CNIH3: variants seen among roughly 807,000 people sequenced by gnomAD.
The protein encoded by CNIH3 is cornichon family AMPA receptor auxiliary protein 3.
A neutral mutation model predicts 24.1 loss-of-function variants in CNIH3; 14 were observed. The observed-to-expected ratio is 0.58, with a 90% CI of 0.38 to 0.91. CNIH3 has a LOEUF of 0.91. Ranked by LOEUF, CNIH3 falls within the 40% of genes least tolerant of loss-of-function variation. The pLI is 0.00. For missense variants in CNIH3, 178 were observed against 196.8 expected, an observed-to-expected ratio of 0.90 and a Z score of 0.57; for synonymous variants, 68 against 73.8, an observed-to-expected ratio of 0.92 and a Z score of 0.40.
chr1:224,671,213 T>G (rs1685849290), intron 1 of CNIH3, among the ~76,000 whole-genome samples: 1 of 152,228 alleles, frequency 6.6e-6, no homozygotes, highest in Admixed American at 6.5e-5. Context: ...TTGGTTCTGT[T>G]TCTCTAGGGA....
chr1:224,634,712 A>G (rs1485893003), intron 1 of CNIH3, among the ~76,000 whole-genome samples: 1 of 152,152 alleles, frequency 6.6e-6, no homozygotes, highest in Non-Finnish European at 1.5e-5. Flanking sequence ...CCCATGGAGC[A>G]TAAGCCCTTG....
Position 224,689,592 on chromosome 1 carries a change from G to GGGTTAAT in CNIH3, c.198+4752_198+4758dup, listed in dbSNP as rs552389528. On this transcript the variant is annotated intron_variant, in intron 3 of 5. Transcript: ENST00000272133. Reference sequence around the variant, plus strand: ...GAGCACATGTTGGGGATGGCGGGGAGGGTTAATGGGTCTAGTTAGCAGCAC... The same window carrying GGGTTAAT: ...GAGCACATGTTGGGGATGGCGGGGAGGGTTAATGGTTAATGGGTCTAGTTAGCAGCAC... Among the ~76,000 whole-genome samples the GGGTTAAT allele has an allele frequency of 3.2e-4, 48 of 152,274 alleles. 1 individual carries two copies. Among genetic ancestry groups the GGGTTAAT allele is most frequent in the Admixed American group, 8.5e-4 (13 of 15,296 alleles).
At chr1:224,551,389 G>C (rs1252704427) in intron 3 of CNIH3, among the ~76,000 whole-genome samples, 1 of 152,138 alleles carries the variant, frequency 6.6e-6, no homozygotes, top group Non-Finnish European at 1.5e-5. Context: ...ATACTATGCA[G>C]CCATAAAAAA....
intron 1 of CNIH3, among the ~76,000 whole-genome samples, chr1:224,446,423 GTTCT>G (rs1232119685): frequency 1.3e-5 from 2 of 152,164 alleles, no homozygotes; most frequent in African/African-American, 4.8e-5. Flanking sequence ...TACTTACATA[GTTCT>G]TTAAGTCTTT....
chr1:224,627,681 G>A (rs577815368), intron 1 of CNIH3, among the ~76,000 whole-genome samples: 18 of 152,206 alleles, frequency 1.2e-4, no homozygotes, highest in Non-Finnish European at 2.4e-4. Context: ...GCCCGCTCCT[G>A]CAGTCTGCTC....
intron 3 of CNIH3, among the ~76,000 whole-genome samples, chr1:224,693,022 G>A (rs1687005266): frequency 6.6e-6 from 1 of 152,188 alleles, no homozygotes; most frequent in Non-Finnish European, 1.5e-5. Flanking sequence ...TGGTAGGGTA[G>A]TTCACCCCTG....
chr1:224,720,958 C>T (rs1026664145), intron 3 of CNIH3, among the ~76,000 whole-genome samples: 1 of 152,176 alleles, frequency 6.6e-6, no homozygotes, highest in African/African-American at 2.4e-5. Flanking sequence ...TACGTTCTGC[C>T]TTCCATAGTA....
chr1:224,739,185 A>C, intron 5 of CNIH3, 144 bp from the exon 6 acceptor site: 6 of 1,423,724 alleles, frequency 4.2e-6, no homozygotes, highest in Non-Finnish European at 5.6e-6. Context: ...AGTTGGCGAG[A>C]TGCTGTAGTG....
intron 1 of CNIH3, among the ~76,000 whole-genome samples, chr1:224,663,779 G>A (rs1352644000): frequency 1.3e-5 from 2 of 152,164 alleles, no homozygotes; most frequent in Non-Finnish European, 2.9e-5. Context: ...TTCTTCATAG[G>A]CAATCAGAAA....
At chr1:224,530,268 C>T (rs183568465) in intron 2 of CNIH3, among the ~76,000 whole-genome samples, 466 of 152,332 alleles carry the variant, frequency 3.1e-3, no homozygotes, top group Middle Eastern at 6.8e-3. Context: ...TGTGCAGTTT[C>T]CATGTGCCTC....
intron 3 of CNIH3, among the ~76,000 whole-genome samples, chr1:224,609,430 A>G (rs993899619): frequency 6.6e-6 from 1 of 152,014 alleles, no homozygotes; most frequent in Non-Finnish European, 1.5e-5. Context: ...AGGGCAGAGT[A>G]TCTTTGTGGT....
At chr1:224,729,412 CAAAAAAAAAAAAA>C (rs1184318000) in intron 3 of CNIH3, among the ~76,000 whole-genome samples, 3 of 44,594 alleles carry the variant, frequency 6.7e-5, no homozygotes, top group African/African-American at 8.8e-5. Context: ...ACTATGTCTC[CAAAAAAAAAAAAA>C]AAAAAAAAAA....
intron 1 of CNIH3, among the ~76,000 whole-genome samples, chr1:224,442,013 A>AT (rs1167622615): frequency 0.03 from 3,551 of 119,906 alleles, 142 homozygotes; most frequent in African/African-American, 0.082. Flanking sequence ...GATTCCCTTA[A>AT]TTTTTTTTTT....
intron 1 of CNIH3, among the ~76,000 whole-genome samples, chr1:224,629,341 C>T (rs1018941295): frequency 3.3e-5 from 5 of 152,140 alleles, no homozygotes; most frequent in African/African-American, 1.2e-4. Flanking sequence ...GATTGATAAC[C>T]TCATGTCTCC....
At chr1:224,560,802 C>T (rs1173168747) in intron 3 of CNIH3, among the ~76,000 whole-genome samples, 1 of 152,076 alleles carries the variant, frequency 6.6e-6, no homozygotes, top group Non-Finnish European at 1.5e-5. Context: ...ATAAAGTGCA[C>T]AATAAGAGTA....
At chr1:224,661,976 G>T (rs575326687) in intron 1 of CNIH3, 1 of 153,402 alleles carries the variant, frequency 6.5e-6, no homozygotes, top group East Asian at 1.9e-4. Flanking sequence ...GTTGGTGATT[G>T]TGGCCCAAAA....
intron 1 of CNIH3, among the ~76,000 whole-genome samples, chr1:224,505,448 T>C (rs999381305): frequency 5.3e-5 from 8 of 152,198 alleles, no homozygotes; most frequent in African/African-American, 1.9e-4. Flanking sequence ...TTCACAATGA[T>C]GACATATTAC....
intron 4 of CNIH3, among the ~76,000 whole-genome samples, chr1:224,572,797 T>C (rs1428520722): frequency 6.6e-6 from 1 of 152,174 alleles, no homozygotes; most frequent in African/African-American, 2.4e-5. Context: ...CTTCCAGCAA[T>C]GTTTCATAGT....
intron 1 of CNIH3, among the ~76,000 whole-genome samples, chr1:224,464,492 G>A (rs867896255): frequency 6.6e-6 from 1 of 152,152 alleles, no homozygotes; most frequent in African/African-American, 2.4e-5. Context: ...TAATTTTTAT[G>A]TATGGTGTGA....
Sources: allele counts gnomAD v4.1 joint callset (sites outside exome capture counted in the v4.1 genomes callset), GRCh38; gene constraint gnomAD v4.1.1; transcripts MANE v1.5; gene names NCBI Gene and HGNC (gene_info 2026-07-23, HGNC 2026-07-21).